Variants in DLEC1 observed in about 807,000 individuals in gnomAD.
DLEC1 encodes DLEC1 cilia and flagella associated protein, also known as deleted in lung and esophageal cancer protein 1.
DLEC1 carries 146 observed loss-of-function variants against 198.1 expected under a neutral mutation model. The observed-to-expected ratio is 0.74, with a 90% CI of 0.64 to 0.85. DLEC1 has a LOEUF of 0.85. DLEC1 is among the 40% of genes least tolerant of loss of function. The pLI, the probability that DLEC1 is intolerant of heterozygous loss-of-function variation, is 0.00. For missense variants in DLEC1, 2,233 were observed against 2,220.0 expected, an observed-to-expected ratio of 1.01 and a Z score of -0.12; for synonymous variants, 897 against 866.8, an observed-to-expected ratio of 1.03 and a Z score of -0.61.
intron 17 of DLEC1, 23 bp from the exon 18 acceptor site, chr3:38,097,721 G>T: frequency 1.2e-6 from 2 of 1,613,642 alleles, no homozygotes; most frequent in South Asian, 2.2e-5. Context: ...GTGGCCCAGT[G>T]ACAGGCCCTC....
At chr3:38,046,524 C>T (rs1199630750) in intron 2 of DLEC1, among the ~76,000 whole-genome samples, 3 of 152,196 alleles carry the variant, frequency 2.0e-5, no homozygotes, top group Non-Finnish European at 4.4e-5. Context: ...GATTGTGAGG[C>T]CTCCCCAGCC....
chr3:38,069,641 G>A (rs1221779775), intron 6 of DLEC1, among the ~76,000 whole-genome samples: 1 of 152,144 alleles, frequency 6.6e-6, no homozygotes, highest in Admixed American at 6.5e-5. Flanking sequence ...GCCAGTCCAT[G>A]CCACAGTCCT....
chr3:38,109,930 T>C (rs1699773159), intron 22 of DLEC1, 169 bp from the exon 23 acceptor site: 4 of 769,054 alleles, frequency 5.2e-6, no homozygotes, highest in African/African-American at 3.5e-5. Context: ...CTCAGCATCA[T>C]GGGTGGGCAG....
chr3:38,078,630 A>G (rs1337555728), intron 6 of DLEC1, among the ~76,000 whole-genome samples: 12 of 152,288 alleles, frequency 7.9e-5, no homozygotes, highest in Admixed American at 2.6e-4. Context: ...AATGGGGTCT[A>G]TCTGTGAAGT....
intron 6 of DLEC1, among the ~76,000 whole-genome samples, chr3:38,075,460 T>G: frequency 6.6e-6 from 1 of 151,828 alleles, no homozygotes; most frequent in Non-Finnish European, 1.5e-5. Flanking sequence ...GGTTTTAAGT[T>G]CTTGAGAACA....
chr3:38,064,997 G>T (rs999807671), intron 6 of DLEC1, among the ~76,000 whole-genome samples: 13 of 152,222 alleles, frequency 8.5e-5, no homozygotes, highest in Non-Finnish European at 1.8e-4. Context: ...CGGCTGGGAG[G>T]TGGAGGTTGT....
At chr3:38,102,599 A>C (rs1349445504) in intron 19 of DLEC1, among the ~76,000 whole-genome samples, 1 of 152,166 alleles carries the variant, frequency 6.6e-6, no homozygotes, top group Non-Finnish European at 1.5e-5. Context: ...GTTGATTTGC[A>C]TAAGGAGCTG....
At chr3:38,055,838 A>G (rs1388437723) in intron 2 of DLEC1, among the ~76,000 whole-genome samples, 2 of 152,056 alleles carry the variant, frequency 1.3e-5, no homozygotes, top group African/African-American at 4.8e-5. Flanking sequence ...TTTAAAGCCT[A>G]GAAGACGCTA....
chr3:38,084,560 A>AGTAGTG (rs1698319375), intron 7 of DLEC1, among the ~76,000 whole-genome samples: 2 of 1,098 alleles, frequency 1.8e-3, no homozygotes, highest in Non-Finnish European at 2.8e-3. Flanking sequence ...TGGTAGTAGT[A>AGTAGTG]GTGGTAGTAG....
chr3:38,070,726 A>G (rs1187053201), intron 6 of DLEC1, among the ~76,000 whole-genome samples: 3 of 152,106 alleles, frequency 2.0e-5, no homozygotes, highest in Non-Finnish European at 4.4e-5. Context: ...GAGCTTTTTG[A>G]GCCAGGAAAA....
At chr3:38,078,292 TAG>T (rs1464401005) in intron 6 of DLEC1, among the ~76,000 whole-genome samples, 6 of 152,130 alleles carry the variant, frequency 3.9e-5, no homozygotes, top group African/African-American at 1.4e-4. Context: ...ATGAGAAATG[TAG>T]AGAGTGAGTT....
rs1420741149 is a variant in DLEC1 at position 38,086,356 on chromosome 3, C to G, written c.1551C>G (p.Ser517Arg). The change falls in exon 9 of 37, where the codon AGC becomes AGG. Residue 517 changes from serine (S) to arginine (R), a missense_variant. By Grantham distance (110) the Ser-to-Arg change is moderately radical. Coordinates refer to ENST00000308059, the MANE Select transcript of DLEC1 (RefSeq NM_007335.4). ...GGTTCTGCATTATGCCCAAAACAAG[C>G]TGGCCACCACTAAGTTTCAAGGTGA... ...VGRFCIMPKT[S>R]WPPLSFKAIA... 6 of 1,609,158 alleles carry G rather than the reference C, an allele frequency of 3.7e-6. No homozygotes were observed. Among genetic ancestry groups the G allele is most frequent in the South Asian group, 2.2e-5 (2 of 89,970 alleles).
chr3:38,113,464 G>A (rs1056771373), intron 25 of DLEC1, among the ~76,000 whole-genome samples: 1 of 149,866 alleles, frequency 6.7e-6, no homozygotes, highest in African/African-American at 2.4e-5. Flanking sequence ...GCTGAGGTGG[G>A]TGGATGTCTT....
intron 19 of DLEC1, among the ~76,000 whole-genome samples, chr3:38,106,116 A>T (rs1414855796): frequency 6.6e-6 from 1 of 152,206 alleles, no homozygotes; most frequent in African/African-American, 2.4e-5. Context: ...TTACATATTT[A>T]TACATTATAG....
At chr3:38,117,414 A>C in intron 31 of DLEC1, 112 bp downstream of exon 31, 1 of 1,598,216 alleles carries the variant, frequency 6.3e-7, no homozygotes, top group African/African-American at 1.3e-5. Context: ...ATGGGTGGAG[A>C]AGTCAGCAGA....
chr3:38,080,788 G>A (rs887087855), intron 6 of DLEC1, among the ~76,000 whole-genome samples: 6 of 149,136 alleles, frequency 4.0e-5, no homozygotes, highest in African/African-American at 1.5e-4. Context: ...ACGGAGGGAA[G>A]GGGTTCGGGT....
intron 2 of DLEC1, among the ~76,000 whole-genome samples, chr3:38,054,698 G>A (rs147217875): frequency 6.6e-6 from 1 of 152,220 alleles, no homozygotes; most frequent in Admixed American, 6.5e-5. Context: ...CAGGTTAAAA[G>A]AATGGTGTTC....
At chr3:38,100,624 A>G (rs1204563292) in intron 19 of DLEC1, among the ~76,000 whole-genome samples, 199 bp downstream of exon 19, 1 of 152,198 alleles carries the variant, frequency 6.6e-6, no homozygotes, top group African/African-American at 2.4e-5. Flanking sequence ...ATCCACTGAT[A>G]ATATTATGTA....
At chr3:38,104,457 C>A (rs1193872240) in intron 19 of DLEC1, among the ~76,000 whole-genome samples, 5 of 152,026 alleles carry the variant, frequency 3.3e-5, no homozygotes, top group African/African-American at 1.2e-4. Flanking sequence ...ACTCTGTATG[C>A]CCCACCCCAT....
Sources: gnomAD v4.1 joint callset for allele counts (sites outside exome capture counted in the v4.1 genomes callset) on GRCh38, gnomAD v4.1.1 for gene constraint, MANE v1.5 for transcripts, NCBI Gene and HGNC (gene_info 2026-07-23, HGNC 2026-07-21) for gene names.